The following PDE5A variants were observed in gnomAD, a reference collection of about 807,000 sequenced individuals.
PDE5A encodes the protein phosphodiesterase 5A, also known as cGMP-specific 3',5'-cyclic phosphodiesterase.
PDE5A carries 67 observed loss-of-function variants against 110.2 expected under a neutral mutation model. The observed-to-expected ratio is 0.61, with a 90% CI of 0.50 to 0.75. The LOEUF is 0.75. PDE5A is among the 30% of genes least tolerant of loss of function. PDE5A has a pLI of 0.00. For synonymous variants in PDE5A, 328 were observed against 351.2 expected, an observed-to-expected ratio of 0.93 and a Z score of 0.74; for missense variants, 862 against 1,045.1, an observed-to-expected ratio of 0.82 and a Z score of 2.42.
At position 119,507,621 on chromosome 4, in the gene PDE5A, G is replaced by A. The variant is rs1191086968; in HGVS notation, c.2172C>T (p.Asp724=). 1.3e-6 allele frequency: 2 copies of A among 1,577,692 alleles called. No homozygotes were observed. Among genetic ancestry groups the A allele is most frequent in the Non-Finnish European group, 8.6e-7 (1 of 1,162,874 alleles). ...AAACTTACTTAATGTACAGTGCTAG[G>A]TCTGTAGCTAAAATAGCTTGCTTGA... ...KIIKQAILAT[D]LALYIKRRGE... is the part of the protein sequence containing the mutation. The change falls in exon 16 of 21, where the codon GAC becomes GAT. Residue 724 remains aspartate, a synonymous_variant. Coordinates refer to ENST00000354960, the MANE Select transcript of PDE5A (RefSeq NM_001083.4).
intron 7 of PDE5A, among the ~76,000 whole-genome samples, chr4:119,554,715 C>G (rs898016817): frequency 6.6e-6 from 1 of 151,580 alleles, no homozygotes; most frequent in Admixed American, 6.6e-5. Flanking sequence ...CACCCAACTG[C>G]AGTACTGAAA....
At chr4:119,504,145 T>TA (rs1251274857) in intron 18 of PDE5A, among the ~76,000 whole-genome samples, 1 of 152,048 alleles carries the variant, frequency 6.6e-6, no homozygotes, top group Non-Finnish European at 1.5e-5. Flanking sequence ...TATTTCCATC[T>TA]TTATGTCCGT....
intron 8 of PDE5A, 143 bp downstream of exon 8, chr4:119,553,495 T>C (rs895503422): frequency 3.1e-6 from 2 of 641,732 alleles, no homozygotes; most frequent in Non-Finnish European, 5.6e-6. Context: ...TCTATTTTAT[T>C]CTCCTTCCTC....
intron 12 of PDE5A, among the ~76,000 whole-genome samples, chr4:119,521,414 T>A (rs1389252808): frequency 6.6e-6 from 1 of 151,642 alleles, no homozygotes; most frequent in Non-Finnish European, 1.5e-5. Flanking sequence ...CCATGTGCCA[T>A]TTCCATGTGT....
intron 9 of PDE5A, 83 bp downstream of exon 9, chr4:119,552,467 C>T: frequency 2.0e-6 from 1 of 491,664 alleles, no homozygotes; most frequent in Non-Finnish European, 3.5e-6. Flanking sequence ...ACATTTTATT[C>T]TTTACATTTG....
chr4:119,584,964 G>A (rs1242494589), intron 3 of PDE5A, among the ~76,000 whole-genome samples: 1 of 152,202 alleles, frequency 6.6e-6, no homozygotes, highest in African/African-American at 2.4e-5. Context: ...AGAACTGTTA[G>A]TATTTGTGGC....
intron 1 of PDE5A, among the ~76,000 whole-genome samples, chr4:119,623,063 T>C (rs6534148): frequency 0.94 from 142,407 of 150,974 alleles, 67,224 homozygotes; most frequent in Non-Finnish European, 0.96. Context: ...TAATTTAAAA[T>C]GAGAATATCA....
In PDE5A at chr4:119,514,743, T is replaced by C. The variant is rs57594176; in HGVS notation, c.2001-3609A>G. ...GAACTCCTATCTGTTGCTAAGAACATTCCCCTGTGAAAATAGCTAAAACCT... is the reference window on the plus strand; with the variant it reads ...GAACTCCTATCTGTTGCTAAGAACACTCCCCTGTGAAAATAGCTAAAACCT... On this transcript the variant is annotated intron_variant, in intron 14 of 20. Coordinates refer to ENST00000354960, the MANE Select transcript of PDE5A (RefSeq NM_001083.4). 9.7e-3 allele frequency among the ~76,000 whole-genome samples: 1,480 copies of C among 152,288 alleles called. 26 individuals carry two copies. Among genetic ancestry groups the C allele is most frequent in the African/African-American group, 0.034 (1,394 of 41,560 alleles).
At chr4:119,559,320 A>T (rs1727660973) in intron 7 of PDE5A, among the ~76,000 whole-genome samples, 1 of 152,190 alleles carries the variant, frequency 6.6e-6, no homozygotes, top group South Asian at 2.1e-4. Context: ...ATAAGAAAAA[A>T]ATCAAAAGCC....
chr4:119,560,270 G>A (rs1275141490), intron 7 of PDE5A, 26 bp downstream of exon 7: 1 of 1,343,418 alleles, frequency 7.4e-7, no homozygotes, highest in Non-Finnish European at 1.0e-6. Flanking sequence ...ATGTGATAAA[G>A]ACAAGTAGAG....
intron 4 of PDE5A, among the ~76,000 whole-genome samples, chr4:119,566,444 T>C (rs1411810018): frequency 1.3e-5 from 2 of 152,176 alleles, no homozygotes. Context: ...AACCTACTCA[T>C]AGAATGAATT....
chr4:119,608,543 TCTCA>T (rs2110550930), intron 1 of PDE5A, among the ~76,000 whole-genome samples: 1 of 152,250 alleles, frequency 6.6e-6, no homozygotes, highest in Non-Finnish European at 1.5e-5. Flanking sequence ...AGACCTTGTT[TCTCA>T]CTAACTCCTC....
intron 3 of PDE5A, among the ~76,000 whole-genome samples, chr4:119,569,367 G>T (rs922161731): frequency 3.3e-5 from 5 of 151,788 alleles, no homozygotes; most frequent in Admixed American, 2.6e-4. Flanking sequence ...AGTATAGGAG[G>T]GTGACTATAC....
chr4:119,511,425 A>C (rs1725739992), intron 14 of PDE5A, among the ~76,000 whole-genome samples: 2 of 152,132 alleles, frequency 1.3e-5, no homozygotes, highest in African/African-American at 4.8e-5. Flanking sequence ...CAAAAAAATT[A>C]ATACCTCCAA....
intron 2 of PDE5A, among the ~76,000 whole-genome samples, chr4:119,600,083 A>G (rs1729289252): frequency 6.6e-6 from 1 of 152,168 alleles, no homozygotes; most frequent in Admixed American, 6.6e-5. Context: ...AGTATTTGTC[A>G]GCACTGTATG....
Position 119,540,394 on chromosome 4 carries a change from A to T in PDE5A, c.1573-1375T>A, listed in dbSNP as rs1726884511. The stretch of plus-strand genomic sequence containing the variant: ...CATCTTTCTTGCCATTTGAACCATT[A>T]GTCACTAGGAAACCTCAAGAAACTC... On this transcript the variant is annotated intron_variant, in intron 10 of 20. Coordinates refer to ENST00000354960, the MANE Select transcript of PDE5A (RefSeq NM_001083.4). Among the ~76,000 whole-genome samples, 2 of 152,174 alleles carry T rather than the reference A, an allele frequency of 1.3e-5. 1 individual carries two copies. The highest frequency in any genetic ancestry group is 2.9e-5 in the Non-Finnish European group (2 of 68,016).
At chr4:119,628,020 T>C in intron 1 of PDE5A, 1 of 985,608 alleles carries the variant, frequency 1.0e-6, no homozygotes, top group South Asian at 4.7e-5. Context: ...TCATGTTGCC[T>C]TTGGGCTGTC....
intron 15 of PDE5A, among the ~76,000 whole-genome samples, chr4:119,508,440 T>C (rs1204595755): frequency 6.6e-6 from 1 of 151,886 alleles, no homozygotes; most frequent in Non-Finnish European, 1.5e-5. Flanking sequence ...AAACAACATC[T>C]GTAAGTTGAG....
At chr4:119,513,829 C>T (rs1249687748) in intron 14 of PDE5A, among the ~76,000 whole-genome samples, 1 of 152,118 alleles carries the variant, frequency 6.6e-6, no homozygotes, top group African/African-American at 2.4e-5. Context: ...TTTTAGACGA[C>T]GCAGAAGGGA....
Sources: gnomAD v4.1 joint callset for allele counts (sites outside exome capture counted in the v4.1 genomes callset) on GRCh38, gnomAD v4.1.1 for gene constraint, MANE v1.5 for transcripts, NCBI Gene and HGNC (gene_info 2026-07-23, HGNC 2026-07-21) for gene names.